Variants in TSHZ3 observed in about 807,000 individuals in gnomAD.
The protein encoded by TSHZ3 is teashirt homolog 3.
TSHZ3 carries 10 observed loss-of-function variants against 64.5 expected under a neutral mutation model. That is an observed-to-expected ratio of 0.16 (90% CI 0.10 to 0.26). TSHZ3 has a LOEUF of 0.26. Ranked by LOEUF, TSHZ3 falls within the 10% of genes least tolerant of loss-of-function variation. The probability of loss-of-function intolerance (pLI) is 1.00; values close to 1 mark genes in which losing one functional copy is unlikely to be tolerated. For missense variants in TSHZ3, 1,242 were observed against 1,421.7 expected (o/e 0.87, Z 2.03); for synonymous variants, 608 against 593.1 (o/e 1.03, Z -0.36).
At chr19:31,265,397 C>CAAAAAAAAAAAAAAAAAAAAAAA (rs11432951) in intron 1 of TSHZ3, among the ~76,000 whole-genome samples, 2 of 34,262 alleles carry the variant, frequency 5.8e-5, no homozygotes, top group Non-Finnish European at 5.1e-5. Context: ...AACTCTGTCT[C>CAAAAAAAAAAAAAAAAAAAAAAA]AAAAAAAAAA....
At chr19:31,214,856 G>A (rs1330599282) in intron 4 of TSHZ3, among the ~76,000 whole-genome samples, 1 of 150,174 alleles carries the variant, frequency 6.7e-6, no homozygotes, top group Non-Finnish European at 1.5e-5. Context: ...TGCAGTGAGC[G>A]GAGATCCGGT....
chr19:31,176,730 C>T (rs1974612812), intron 5 of TSHZ3, among the ~76,000 whole-genome samples: 1 of 152,110 alleles, frequency 6.6e-6, no homozygotes, highest in Admixed American at 6.6e-5. Flanking sequence ...GTTGAGCCTG[C>T]CATGAGCTGT....
At chr19:31,160,088 C>A (rs149276606) in intron 5 of TSHZ3, among the ~76,000 whole-genome samples, 38 of 152,298 alleles carry the variant, frequency 2.5e-4, no homozygotes, top group Admixed American at 6.5e-4. Flanking sequence ...ATGGGCCAGG[C>A]CTTGTGTTTA....
intron 5 of TSHZ3, among the ~76,000 whole-genome samples, chr19:31,170,717 G>A (rs1385440598): frequency 1.3e-5 from 2 of 152,120 alleles, no homozygotes; most frequent in African/African-American, 4.8e-5. Flanking sequence ...TTCCCCACAG[G>A]GGCCCTGTTG....
intron 1 of TSHZ3, among the ~76,000 whole-genome samples, chr19:31,261,053 C>G (rs1975978127): frequency 6.6e-6 from 1 of 152,208 alleles, no homozygotes; most frequent in Non-Finnish European, 1.5e-5. Flanking sequence ...AGGCTGCACT[C>G]TTGGCTCAAG....
At chr19:31,348,620 G>C (rs975857868) in intron 1 of TSHZ3, among the ~76,000 whole-genome samples, 1 of 152,180 alleles carries the variant, frequency 6.6e-6, no homozygotes, top group Non-Finnish European at 1.5e-5. Context: ...ATCTAACATG[G>C]ACTTGACAGT....
intron 1 of TSHZ3, among the ~76,000 whole-genome samples, chr19:31,298,997 C>G (rs1976709270): frequency 6.6e-6 from 1 of 152,170 alleles, no homozygotes. Flanking sequence ...GAGTTCGAGT[C>G]CAGCCTGGCC....
chr19:31,269,672 G>A (rs1032639870), intron 1 of TSHZ3, among the ~76,000 whole-genome samples: 1 of 152,102 alleles, frequency 6.6e-6, no homozygotes, highest in African/African-American at 2.4e-5. Context: ...TCATAAATGT[G>A]TCCCTGGATT....
chr19:31,213,391 A>AAAAAAAAAAC (rs1975286728), intron 4 of TSHZ3, among the ~76,000 whole-genome samples: 1 of 145,292 alleles, frequency 6.9e-6, no homozygotes, highest in Non-Finnish European at 1.5e-5. Context: ...AAAAAAAAAA[A>AAAAAAAAAAC]TCAGTGGTGT....
Position 31,277,033 on chromosome 19 carries a change from C to G in TSHZ3, c.2760G>C (p.Gly920=). 6.2e-7 allele frequency: 1 copy of G among 1,611,086 alleles called. No individual in the cohort carries two copies. The highest frequency in any genetic ancestry group is 8.5e-7 in the Non-Finnish European group (1 of 1,178,030). ...GGCTCAGGTCTGACATGATGTACTT[C>G]CCTTCTGAGGTCTGCCGGAGGCTGG... ...FAASLRQTSE[G]KYIMSDLSPQ... is the part of the protein sequence containing the mutation. Residue 920 remains glycine, a synonymous_variant, in exon 2 of 2, where the codon GGG becomes GGC. Coordinates refer to ENST00000240587, the MANE Select transcript of TSHZ3 (RefSeq NM_020856.4). The surrounding 1 kb of genome is among the most constrained non-coding windows in gnomAD (Gnocchi z 4.5).
chr19:31,292,988 T>C (rs1225228440), intron 1 of TSHZ3, among the ~76,000 whole-genome samples: 1 of 113,974 alleles, frequency 8.8e-6, no homozygotes, highest in African/African-American at 2.9e-5. Flanking sequence ...CATCCATCCA[T>C]TCAAAAATTC....
chr19:31,302,659 A>T (rs1013834944), intron 1 of TSHZ3, among the ~76,000 whole-genome samples: 6 of 152,240 alleles, frequency 3.9e-5, no homozygotes, highest in Non-Finnish European at 8.8e-5. Flanking sequence ...CACACATACA[A>T]AAATAGATAT....
At position 31,246,608 on chromosome 19, in the gene TSHZ3, G is replaced by C. The variant is rs537229530; in HGVS notation, n.64-3733C>G. Among the ~76,000 whole-genome samples, 5 of 152,192 alleles carry C rather than the reference G, an allele frequency of 3.3e-5. No homozygotes were observed. In the East Asian group the frequency reaches 5.8e-4, roughly 18 times the overall value. ...AACTCATGGTTTAAAAAGGGACAGA[G>C]GAAGGGAGGAAGGGAGAGAGAGTGA... On this transcript the variant is annotated intron_variant and non_coding_transcript_variant, in intron 1 of 6. Coordinates refer to the TSHZ3 transcript ENST00000651361.
intron 1 of TSHZ3, among the ~76,000 whole-genome samples, chr19:31,338,609 G>A (rs1393638282): frequency 6.9e-6 from 1 of 145,158 alleles, no homozygotes; most frequent in Non-Finnish European, 1.5e-5. Context: ...GCATGACACG[G>A]AGTTTAAAAA....
At chr19:31,200,595 G>A (rs1223215501) in intron 5 of TSHZ3, among the ~76,000 whole-genome samples, 2 of 152,148 alleles carry the variant, frequency 1.3e-5, no homozygotes, top group African/African-American at 2.4e-5. Flanking sequence ...GCGAACAGAC[G>A]AAGCACAAAG....
At chr19:31,250,760 C>A (rs1314754629) in intron 1 of TSHZ3, among the ~76,000 whole-genome samples, 2 of 152,182 alleles carry the variant, frequency 1.3e-5, no homozygotes, top group Non-Finnish European at 2.9e-5. Flanking sequence ...TCATATTTTT[C>A]ATCAAGTAGA....
intron 1 of TSHZ3, among the ~76,000 whole-genome samples, chr19:31,304,042 T>C (rs1976799819): frequency 6.6e-6 from 1 of 151,980 alleles, no homozygotes. Flanking sequence ...TAGTGCCATC[T>C]TGGCTCACTG....
chr19:31,155,881 A>C (rs569843362), intron 6 of TSHZ3, among the ~76,000 whole-genome samples: 50 of 152,342 alleles, frequency 3.3e-4, no homozygotes, highest in African/African-American at 1.2e-3. Context: ...CTGGAGGAGA[A>C]CCTTTCACAA....
At chr19:31,157,836 A>G (rs1974325045) in intron 5 of TSHZ3, among the ~76,000 whole-genome samples, 1 of 152,190 alleles carries the variant, frequency 6.6e-6, no homozygotes, top group South Asian at 2.1e-4. Context: ...TAACAACATT[A>G]TGCTCCCAAG....
Sources: allele counts gnomAD v4.1 joint callset (sites outside exome capture counted in the v4.1 genomes callset), GRCh38; gene constraint gnomAD v4.1.1; non-coding constraint Gnocchi (gnomAD v3.1); transcripts MANE v1.5; gene names NCBI Gene and HGNC (gene_info 2026-07-23, HGNC 2026-07-21).